PHF20L1: variants seen among roughly 807,000 people sequenced by gnomAD.
PHF20L1 encodes the protein PHD finger protein 20 like 1.
Under a neutral mutation model 125.5 loss-of-function variants are expected in PHF20L1, and 44 were observed. The ratio of observed to expected loss-of-function variants is 0.35; its 90% CI spans 0.28 to 0.45. The LOEUF is 0.45. PHF20L1 is among the 20% of genes least tolerant of loss of function. The pLI, the probability that PHF20L1 is intolerant of heterozygous loss-of-function variation, is 1.00. For missense variants in PHF20L1, 1,012 were observed against 1,217.2 expected, an observed-to-expected ratio of 0.83 and a Z score of 2.51; for synonymous variants, 380 against 403.1, an observed-to-expected ratio of 0.94 and a Z score of 0.69.
chr8:132,822,304 A>G (rs192998562), intron 12 of PHF20L1, among the ~76,000 whole-genome samples: 2 of 152,024 alleles, frequency 1.3e-5, no homozygotes, highest in East Asian at 3.9e-4. Flanking sequence ...TCTTCCAAGT[A>G]CCTAAGGGGT....
chr8:132,836,453 T>C, intron 15 of PHF20L1, 87 bp from the exon 16 acceptor site: 1 of 813,956 alleles, frequency 1.2e-6, no homozygotes, highest in Non-Finnish European at 2.0e-6. Flanking sequence ...TAATAGCTTA[T>C]GTTCACTTCT....
intron 14 of PHF20L1, 59 bp from the exon 15 acceptor site, chr8:132,832,176 A>G (rs1836851499): frequency 9.2e-7 from 1 of 1,090,574 alleles, no homozygotes; most frequent in Non-Finnish European, 1.4e-6. Flanking sequence ...CGTTATTTTT[A>G]TAGTGACCTT....
chr8:132,777,902 T>G lies in PHF20L1; in HGVS notation c.74T>G (p.Leu25Ter). The change falls in exon 2 of 21, where the codon TTA becomes TGA. Residue 25 changes from leucine to a stop codon, truncating the protein, a stop_gained. Coordinates refer to ENST00000395386, the MANE Select transcript of PHF20L1 (RefSeq NM_016018.5). LOFTEE classifies it high-confidence loss of function. ...GCTCGTTTGGAGGCACTGGACTACTTACAAAAATGGTATGGAAAATATAGA... is the reference window on the plus strand; with the variant it reads ...GCTCGTTTGGAGGCACTGGACTACTGACAAAAATGGTATGGAAAATATAGA... ...IGARLEALDY[L>*]QKWYPSRIEK... 1 of 1,599,710 alleles carries G rather than the reference T, an allele frequency of 6.3e-7. No homozygotes were observed. Among genetic ancestry groups the G allele is most frequent in the Non-Finnish European group, 8.6e-7 (1 of 1,167,188 alleles).
At chr8:132,829,772 T>C (rs1836564249) in intron 14 of PHF20L1, among the ~76,000 whole-genome samples, 1 of 152,110 alleles carries the variant, frequency 6.6e-6, no homozygotes, top group Non-Finnish European at 1.5e-5. Flanking sequence ...TTGGCTTTGC[T>C]ATTGATAGTT....
rs1333704428 is a variant in PHF20L1, at chr8:132,846,123, T to A, written c.*200T>A. 5 of 492,494 alleles carry A rather than the reference T, an allele frequency of 1.0e-5. No individual in the cohort carries two copies. Among genetic ancestry groups the A allele is most frequent in the Non-Finnish European group, 1.8e-5 (5 of 274,316 alleles). 30.5% of individuals were successfully genotyped at this position (492,494 alleles called of 1,614,324 possible). ...AAGCTAGTATTTAAAAACAAATTCA[T>A]GAGCAAGCTGCAAATGAGAATGTGT... is the stretch of plus-strand genomic sequence containing the variant. On this transcript the variant is annotated 3_prime_UTR_variant, in exon 21 of 21. Coordinates refer to ENST00000395386, the MANE Select transcript of PHF20L1 (RefSeq NM_016018.5).
At chr8:132,801,382 G>A (rs186797909) in intron 6 of PHF20L1, among the ~76,000 whole-genome samples, 3 of 151,814 alleles carry the variant, frequency 2.0e-5, no homozygotes, top group Admixed American at 1.3e-4. Context: ...TCAGAACTTA[G>A]AGAATCCAGT....
At chr8:132,776,098 C>T (rs1006538909) in intron 1 of PHF20L1, among the ~76,000 whole-genome samples, 3 of 152,224 alleles carry the variant, frequency 2.0e-5, no homozygotes, top group African/African-American at 7.2e-5. Flanking sequence ...TTTTACTCCT[C>T]TCCGTGCTTT....
intron 2 of PHF20L1, among the ~76,000 whole-genome samples, chr8:132,780,406 CATTAAT>C (rs1466798605): frequency 3.9e-5 from 6 of 152,004 alleles, no homozygotes; most frequent in African/African-American, 1.4e-4. Flanking sequence ...TAAATTTTTG[CATTAAT>C]ATTAAGTAAA....
intron 12 of PHF20L1, among the ~76,000 whole-genome samples, chr8:132,823,744 C>T (rs1208706524): frequency 6.6e-6 from 1 of 151,834 alleles, no homozygotes; most frequent in Non-Finnish European, 1.5e-5. Context: ...TCCTCAAGGC[C>T]ACAGAGCTAG....
intron 9 of PHF20L1, chr8:132,812,291 G>C (rs1271383457): frequency 1.0e-6 from 1 of 984,786 alleles, no homozygotes; most frequent in Non-Finnish European, 1.2e-6. Context: ...AGGGACTTGG[G>C]TAATAAAATG....
At position 132,846,092 on chromosome 8, in the gene PHF20L1, T is replaced by A; in HGVS notation, c.*169T>A. The A allele has an allele frequency of 1.9e-6, 1 of 529,266 alleles. No homozygotes were observed. 32.8% of individuals were successfully genotyped at this position (529,266 alleles called of 1,614,324 possible). A position where few individuals can be genotyped will look rare whatever the true frequency, so the allele number is the denominator to read the frequency against. ...GAAAGAAAAATGAAGAACAACTTTATCAAGGAAGCTAGTATTTAAAAACAA... is the reference window on the plus strand; with the variant it reads ...GAAAGAAAAATGAAGAACAACTTTAACAAGGAAGCTAGTATTTAAAAACAA... On this transcript the variant is annotated 3_prime_UTR_variant, in exon 21 of 21. Coordinates refer to ENST00000395386, the MANE Select transcript of PHF20L1 (RefSeq NM_016018.5).
intron 9 of PHF20L1, chr8:132,812,684 C>T: frequency 1.0e-6 from 1 of 984,598 alleles, no homozygotes; most frequent in African/African-American, 1.7e-5. Flanking sequence ...TATTTTTATC[C>T]TATGTGTTAG....
At chr8:132,811,381 G>A in intron 9 of PHF20L1, 1 of 1,150,030 alleles carries the variant, frequency 8.7e-7, no homozygotes, top group East Asian at 4.5e-5. Context: ...GGCATCCCAG[G>A]GTATAAGCTT....
intron 2 of PHF20L1, among the ~76,000 whole-genome samples, chr8:132,790,322 A>G (rs1258453573): frequency 6.6e-6 from 1 of 152,196 alleles, no homozygotes; most frequent in African/African-American, 2.4e-5. Context: ...TGCTAGAAAT[A>G]ACTTCACTGT....
At chr8:132,818,838 G>A (rs913804583) in intron 12 of PHF20L1, 3 of 151,816 alleles carry the variant, frequency 2.0e-5, no homozygotes, top group African/African-American at 7.2e-5. Flanking sequence ...TGAAAAATAT[G>A]TTAAAGTTAT....
intron 20 of PHF20L1, among the ~76,000 whole-genome samples, chr8:132,844,929 G>A (rs907288145): frequency 6.6e-6 from 1 of 151,860 alleles, no homozygotes; most frequent in Admixed American, 6.6e-5. Flanking sequence ...CATCATAGAC[G>A]ATATTCTGCA....
intron 12 of PHF20L1, among the ~76,000 whole-genome samples, chr8:132,820,075 T>C (rs1835415396): frequency 6.6e-6 from 1 of 151,832 alleles, no homozygotes; most frequent in South Asian, 2.1e-4. Context: ...ATCTCTCGTA[T>C]GTTCTTCTGC....
intron 12 of PHF20L1, among the ~76,000 whole-genome samples, chr8:132,823,164 T>G (rs1835784380): frequency 6.6e-6 from 1 of 152,018 alleles, no homozygotes; most frequent in Non-Finnish European, 1.5e-5. Flanking sequence ...CTTTGTATTT[T>G]ACATTTATAT....
At chr8:132,830,584 C>T (rs1445076348) in intron 14 of PHF20L1, among the ~76,000 whole-genome samples, 6 of 152,032 alleles carry the variant, frequency 3.9e-5, no homozygotes, top group Non-Finnish European at 8.8e-5. Flanking sequence ...CCCTAACCTG[C>T]GTCACTTGAC....
Sources: allele counts gnomAD v4.1 joint callset (sites outside exome capture counted in the v4.1 genomes callset), GRCh38; gene constraint gnomAD v4.1.1; transcripts MANE v1.5; gene names NCBI Gene and HGNC (gene_info 2026-07-23, HGNC 2026-07-21).